Variants in DCBLD2 observed in about 807,000 individuals in gnomAD.
DCBLD2 encodes discoidin, CUB and LCCL domain-containing protein 2.
DCBLD2 carries 54 observed loss-of-function variants against 86.8 expected under a neutral mutation model. The ratio of observed to expected loss-of-function variants is 0.62; its 90% confidence interval spans 0.50 to 0.78. The LOEUF is 0.78. Ranked by LOEUF, DCBLD2 falls within the 30% of genes least tolerant of loss-of-function variation. The pLI is 0.00. For synonymous variants in DCBLD2, 354 were observed against 341.3 expected, an observed-to-expected ratio of 1.04 and a Z score of -0.41; for missense variants, 908 against 954.2, an observed-to-expected ratio of 0.95 and a Z score of 0.64.
chr3:98,833,435 T>C (rs1942360912), intron 3 of DCBLD2, among the ~76,000 whole-genome samples: 1 of 152,262 alleles, frequency 6.6e-6, no homozygotes, highest in African/African-American at 2.4e-5. Context: ...ATTTCTGTCA[T>C]TTCAGCCAAC....
intron 1 of DCBLD2, among the ~76,000 whole-genome samples, chr3:98,885,813 C>T (rs1025207329): frequency 2.0e-5 from 3 of 151,440 alleles, no homozygotes; most frequent in African/African-American, 4.8e-5. Flanking sequence ...AGAAGAGGAC[C>T]CCACAGAAGC....
At chr3:98,805,777 CA>C (rs1941827082) in intron 13 of DCBLD2, among the ~76,000 whole-genome samples, 1 of 152,180 alleles carries the variant, frequency 6.6e-6, no homozygotes, top group Non-Finnish European at 1.5e-5. Context: ...AACACCATCC[CA>C]AACTGACCTC....
At chr3:98,868,236 C>A (rs1576192802) in intron 2 of DCBLD2, among the ~76,000 whole-genome samples, 1 of 152,126 alleles carries the variant, frequency 6.6e-6, no homozygotes, top group Non-Finnish European at 1.5e-5. Context: ...AAGGAATCAA[C>A]CTATTCAAAG....
intron 2 of DCBLD2, 94 bp from the exon 3 acceptor site, chr3:98,849,692 G>T: frequency 7.4e-7 from 1 of 1,359,650 alleles, no homozygotes; most frequent in Non-Finnish European, 1.0e-6. Flanking sequence ...AATATACCAA[G>T]CTGGCTGTTA....
intron 14 of DCBLD2, 112 bp downstream of exon 14, chr3:98,801,488 C>T: frequency 1.4e-6 from 1 of 711,650 alleles, no homozygotes; most frequent in Non-Finnish European, 2.3e-6. Context: ...ATTGTTCTAA[C>T]AGTGTCGGGG....
At chr3:98,852,554 G>T (rs891275377) in intron 2 of DCBLD2, among the ~76,000 whole-genome samples, 10 of 152,104 alleles carry the variant, frequency 6.6e-5, no homozygotes, top group Admixed American at 5.9e-4. Context: ...GCCTTCTAGG[G>T]TATTTCTTAC....
chr3:98,872,100 A>G (rs1293939321), intron 2 of DCBLD2, among the ~76,000 whole-genome samples: 6 of 152,134 alleles, frequency 3.9e-5, no homozygotes, highest in Non-Finnish European at 7.4e-5. Context: ...GTAGTCTTAG[A>G]TCATTTTTTC....
In DCBLD2 at chr3:98,848,761, T is replaced by A. The variant is rs1490532635; in HGVS notation, c.571+700A>T. ...AGGTACTCCTGGGGATGTGAGATCT[T>A]ATTCTTTGAAAATAATGGTAGTATG... On this transcript the variant is annotated intron_variant, in intron 3 of 15. Transcript: ENST00000326840. Among the ~76,000 whole-genome samples, 4 of 152,372 alleles carry A rather than the reference T, an allele frequency of 2.6e-5. No homozygotes were observed. The East Asian group carries it at 7.7e-4, about 29-fold the overall frequency.
chr3:98,886,256 T>C (rs928060197), intron 1 of DCBLD2, among the ~76,000 whole-genome samples: 3 of 152,148 alleles, frequency 2.0e-5, no homozygotes, highest in Non-Finnish European at 2.9e-5. Context: ...TCAAATGATA[T>C]ATATTTTTTC....
chr3:98,888,043 G>A (rs1042362903), intron 1 of DCBLD2, among the ~76,000 whole-genome samples: 1 of 151,890 alleles, frequency 6.6e-6, no homozygotes, highest in Non-Finnish European at 1.5e-5. Context: ...CCCTAGTTTT[G>A]CCTTTTCCAG....
At position 98,881,560 on chromosome 3, in the gene DCBLD2, C is replaced by G. The variant is rs1286447242; in HGVS notation, c.413G>C (p.Gly138Ala). The change falls in exon 2 of 16, where the codon GGA (glycine) becomes GCA (alanine). Residue 138 changes from glycine to alanine, a missense_variant. Coordinates refer to ENST00000326840, the MANE Select transcript of DCBLD2 (RefSeq NM_080927.4). ...FNYLRIYNGI[G>A]VSRTEIGKYC... ...CCTACCTATTTCAGTTCTGCTGACT[C>G]CAATTCCATTATAAATTCTCAAGTA... 3.7e-6 allele frequency: 6 copies of G among 1,613,826 alleles called. No individual in the cohort carries two copies. Among genetic ancestry groups the G allele is most frequent in the Non-Finnish European group, 5.1e-6 (6 of 1,179,852 alleles).
At chr3:98,859,837 G>A (rs140129749) in intron 2 of DCBLD2, among the ~76,000 whole-genome samples, 36 of 152,330 alleles carry the variant, frequency 2.4e-4, no homozygotes, top group Admixed American at 1.9e-3. Context: ...ACAAAGGAAC[G>A]CAGCTCCTCG....
chr3:98,823,796 A>C (rs979091105), intron 4 of DCBLD2, among the ~76,000 whole-genome samples: 3 of 152,210 alleles, frequency 2.0e-5, no homozygotes, highest in African/African-American at 4.8e-5. Context: ...TCATTTTAGG[A>C]AACAGGGAAA....
intron 2 of DCBLD2, among the ~76,000 whole-genome samples, chr3:98,865,242 G>T (rs992883675): frequency 1.3e-5 from 2 of 151,738 alleles, no homozygotes; most frequent in Non-Finnish European, 2.9e-5. Flanking sequence ...ATGGATAAAG[G>T]AAATGTGGTA....
chr3:98,848,783 T>A (rs1027843836), intron 3 of DCBLD2, among the ~76,000 whole-genome samples: 1 of 152,174 alleles, frequency 6.6e-6, no homozygotes, highest in South Asian at 2.1e-4. Context: ...ATAATGGTAG[T>A]ATGGTCTTTA....
chr3:98,811,069 T>A (rs1389068789), intron 12 of DCBLD2, 125 bp downstream of exon 12: 2 of 1,113,106 alleles, frequency 1.8e-6, no homozygotes, highest in Non-Finnish European at 2.4e-6. Flanking sequence ...TAAATTTTTT[T>A]TTTTGCTATA....
intron 2 of DCBLD2, among the ~76,000 whole-genome samples, chr3:98,857,147 G>T (rs1170237934): frequency 1.3e-5 from 2 of 152,156 alleles, no homozygotes; most frequent in Admixed American, 1.3e-4. Context: ...GACCTTCGTG[G>T]TGAGTGTTAC....
At chr3:98,817,915 T>A (rs1355288301) in intron 8 of DCBLD2, 22 bp from the exon 9 acceptor site, 1 of 1,610,564 alleles carries the variant, frequency 6.2e-7, no homozygotes, top group Admixed American at 1.7e-5. Context: ...AGAGTTGCTT[T>A]CATTAATGCA....
In DCBLD2 at chr3:98,901,365, T is replaced by C. The variant is rs1943848810; in HGVS notation, c.-39A>G. Reference sequence around the variant, plus strand: ...AGTCTGCCTGCATAGTGCGGGTGCCTCGGCAGCCCCGCGCGCCTCTGGCCG... The same window carrying C: ...AGTCTGCCTGCATAGTGCGGGTGCCCCGGCAGCCCCGCGCGCCTCTGGCCG... On this transcript the variant is annotated 5_prime_UTR_variant, in exon 1 of 16. Transcript: ENST00000326840. 1 of 1,285,978 alleles carries C rather than the reference T, an allele frequency of 7.8e-7. No individual in the cohort carries two copies. Among genetic ancestry groups the C allele is most frequent in the Non-Finnish European group, 9.8e-7 (1 of 1,023,712 alleles). The allele number at this position is 1,285,978 out of a possible 1,614,324, so 79.7% of individuals were successfully genotyped here.
Sources: allele counts gnomAD v4.1 joint callset (sites outside exome capture counted in the v4.1 genomes callset), GRCh38; gene constraint gnomAD v4.1.1; transcripts MANE v1.5; gene names NCBI Gene and HGNC (gene_info 2026-07-23, HGNC 2026-07-21).